Variants in TTC24 observed in about 807,000 individuals in gnomAD.
TTC24 encodes tetratricopeptide repeat domain 24, also known as tetratricopeptide repeat protein 24.
In TTC24, 54 loss-of-function variants were observed where a neutral mutation model predicts 63.3. The ratio of observed to expected loss-of-function variants is 0.85; its 90% confidence interval spans 0.69 to 1.07. The LOEUF (loss-of-function observed/expected upper bound fraction) is 1.07, where lower values mean the gene tolerates loss of function less well. Ranked by LOEUF, TTC24 falls within the 50% of genes least tolerant of loss-of-function variation. TTC24 has a pLI of 0.00. For synonymous variants in TTC24, 276 were observed against 304.3 expected (o/e 0.91, Z 0.97); for missense variants, 680 against 730.5 (o/e 0.93, Z 0.80).
Position 156,583,136 on chromosome 1 carries a change from C to T in TTC24, c.1005C>T (p.Asn335=), listed in dbSNP as rs369585054. The change falls in exon 4 of 11, where the codon AAC becomes AAT. Residue 335 remains asparagine, a synonymous_variant. Coordinates refer to ENST00000368236, the MANE Select transcript of TTC24 (RefSeq NM_001105669.4). The surrounding 1 kb of genome is among the most constrained non-coding windows in gnomAD (Gnocchi z 4.0). ...GGGACCACAAGGCTGCCAGAGACAACTACCTGCATGCCCTGCAGGCTGCCC... is the reference window on the plus strand; with the variant it reads ...GGGACCACAAGGCTGCCAGAGACAATTACCTGCATGCCCTGCAGGCTGCCC... The part of the protein sequence containing the change: ...QLGDHKAARD[N]YLHALQAARD... 3.1e-6 allele frequency: 5 copies of T among 1,613,492 alleles called. No homozygotes were observed. Among genetic ancestry groups the T allele is most frequent in the Non-Finnish European group, 3.4e-6 (4 of 1,179,742 alleles).
Position 156,583,271 on chromosome 1 carries a change from C to A in TTC24, c.1040-67C>A. 1 of 1,607,044 alleles carries A rather than the reference C, an allele frequency of 6.2e-7. No individual in the cohort carries two copies. Among genetic ancestry groups the A allele is most frequent in the Non-Finnish European group, 8.5e-7 (1 of 1,176,642 alleles). Reference sequence around the variant, plus strand: ...TGGGGGGAACTGAGGGTAGGGAGTGCCTCTGAGGGGGTGGATCAGTGGGGT... The same window carrying A: ...TGGGGGGAACTGAGGGTAGGGAGTGACTCTGAGGGGGTGGATCAGTGGGGT... On this transcript the variant is annotated intron_variant, in intron 4 of 10. Coordinates refer to ENST00000368236, the MANE Select transcript of TTC24 (RefSeq NM_001105669.4). This position sits in a 1 kb window ranked among gnomAD's most constrained non-coding sequence, Gnocchi z 4.0.
Position 156,581,820 on chromosome 1 carries a change from C to T in TTC24, c.456C>T (p.Asp152=), listed in dbSNP as rs1465029144. 6.4e-7 allele frequency: 1 copy of T among 1,551,338 alleles called. No individual in the cohort carries two copies. The highest frequency in any genetic ancestry group is 8.7e-7 in the Non-Finnish European group (1 of 1,146,786). Residue 152 remains aspartate, a synonymous_variant, in exon 2 of 11, where the codon GAC becomes GAT. Coordinates refer to ENST00000368236, the MANE Select transcript of TTC24 (RefSeq NM_001105669.4). ...RALGHYQPQG[D]QGEAWAKMGA... ...TGGGCCACTACCAGCCACAGGGTGA[C>T]CAGGGAGAAGCCTGGGCAAAAATGG... is the stretch of plus-strand genomic sequence containing the variant.
intron 8 of TTC24, 75 bp from the exon 9 acceptor site, chr1:156,585,638 A>G: frequency 9.3e-7 from 1 of 1,073,990 alleles, no homozygotes; most frequent in Non-Finnish European, 1.4e-6. Context: ...TCTCCCACAA[A>G]GACTTGCAAC....
chr1:156,585,275 C>T (rs1213219083), intron 8 of TTC24, 44 bp downstream of exon 8: 5 of 1,486,744 alleles, frequency 3.4e-6, no homozygotes, highest in African/African-American at 2.8e-5. Flanking sequence ...CTCCTTACTG[C>T]AAATATGGCA....
intron 8 of TTC24, 46 bp from the exon 9 acceptor site, chr1:156,585,667 T>C (rs779353613): frequency 2.9e-6 from 4 of 1,368,400 alleles, no homozygotes; most frequent in Non-Finnish European, 4.2e-6. Context: ...CAGAGTTCTT[T>C]GCTACTTGTT....
In TTC24 at chr1:156,581,971, T is replaced by A; in HGVS notation, c.607T>A (p.Cys203Ser). ...AALALGAAAGCMLKSGRHRVG... is the reference protein window; with the variant it reads ...AALALGAAAGSMLKSGRHRVG... ...CCTGGCACTGGGGGCTGCGGCAGGATGTATGCTGAAGAGTGGGCGGCATCG... is the reference window on the plus strand; with the variant it reads ...CCTGGCACTGGGGGCTGCGGCAGGAAGTATGCTGAAGAGTGGGCGGCATCG... The change falls in exon 2 of 11, where the codon TGT becomes AGT. Residue 203 changes from cysteine (C) to serine (S), a missense_variant. Coordinates refer to ENST00000368236, the MANE Select transcript of TTC24 (RefSeq NM_001105669.4). 1 of 1,530,488 alleles carries A rather than the reference T, an allele frequency of 6.5e-7. No homozygotes were observed. 94.8% of individuals were successfully genotyped at this position (1,530,488 alleles called of 1,614,324 possible). A position where few individuals can be genotyped will look rare whatever the true frequency, so the allele number is the denominator to read the frequency against.
chr1:156,582,493 A>G, intron 3 of TTC24, 59 bp downstream of exon 3: 3 of 1,506,162 alleles, frequency 2.0e-6, no homozygotes, highest in Non-Finnish European at 2.7e-6. Flanking sequence ...GGGGTTCCAA[A>G]AGGGGCCCAA....
chr1:156,585,028 G>C, intron 7 of TTC24, 54 bp downstream of exon 7: 1 of 1,543,362 alleles, frequency 6.5e-7, no homozygotes, highest in Non-Finnish European at 8.8e-7. Flanking sequence ...AGGGTGTTGG[G>C]GGCTGTCGCA....
At chr1:156,585,086 C>T (rs1433062548) in intron 7 of TTC24, 39 bp from the exon 8 acceptor site, 13 of 1,575,038 alleles carry the variant, frequency 8.3e-6, no homozygotes, top group East Asian at 4.5e-5. Flanking sequence ...GGACTGGTGT[C>T]GCTCTGCCAA....
At chr1:156,585,376 C>A in intron 8 of TTC24, 145 bp downstream of exon 8, 5 of 666,288 alleles carry the variant, frequency 7.5e-6, no homozygotes, top group Non-Finnish European at 1.3e-5. Context: ...GGCACAACCT[C>A]GCGCCACCCC....
In TTC24 at chr1:156,586,379, T is replaced by A. The variant is rs116029653; in HGVS notation, c.1668-90T>A. On this transcript the variant is annotated intron_variant, in intron 10 of 10. Coordinates refer to ENST00000368236, the MANE Select transcript of TTC24 (RefSeq NM_001105669.4). Reference sequence around the variant, plus strand: ...CCCACCAGCAGAGGTAAGGGCCAAATAGGGCAGAGGGAAGCTGAGGCCAAG... The same window carrying A: ...CCCACCAGCAGAGGTAAGGGCCAAAAAGGGCAGAGGGAAGCTGAGGCCAAG... 3,748 of 1,160,134 alleles carry A rather than the reference T, an allele frequency of 3.2e-3. 107 individuals are homozygous for A. The African/African-American group carries it at 0.053, about 16-fold the overall frequency. 71.9% of individuals were successfully genotyped at this position (1,160,134 alleles called of 1,614,324 possible).
At position 156,583,870 on chromosome 1, in the gene TTC24, T is replaced by C; in HGVS notation, c.1226T>C (p.Val409Ala). 1 of 1,582,208 alleles carries C rather than the reference T, an allele frequency of 6.3e-7. No individual in the cohort carries two copies. The highest frequency in any genetic ancestry group is 1.2e-5 in the South Asian group (1 of 85,928). ...ACCGTGAGGACGCGCTTGGCCCAGG[T>C]GGGGCTGGTCCAGACTCACACCCTG... ...ADTVRTRLAQ[V>A]GLVQTHTLTS... Residue 409 changes from valine to alanine, a missense_variant, in exon 6 of 11, where the codon GTG (valine) becomes GCG (alanine). Coordinates refer to ENST00000368236, the MANE Select transcript of TTC24 (RefSeq NM_001105669.4). The surrounding 1 kb of genome is among the most constrained non-coding windows in gnomAD (Gnocchi z 4.0).
In TTC24 at chr1:156,583,727, C is replaced by A; in HGVS notation, c.1153-70C>A. On this transcript the variant is annotated intron_variant, in intron 5 of 10. Transcript: ENST00000368236. The surrounding 1 kb of genome is among the most constrained non-coding windows in gnomAD (Gnocchi z 4.0). Reference sequence around the variant, plus strand: ...TCCCCCCTCCCTTTCCTGTTTCCTTCTTCCCCAACCCCCAGAGGACCATAA... The same window carrying A: ...TCCCCCCTCCCTTTCCTGTTTCCTTATTCCCCAACCCCCAGAGGACCATAA... 1.3e-6 allele frequency: 1 copy of A among 792,970 alleles called. No individual in the cohort carries two copies. The highest frequency in any genetic ancestry group is 2.0e-6 in the Non-Finnish European group (1 of 493,684). The allele number at this position is 792,970 out of a possible 1,614,324, so 49.1% of individuals were successfully genotyped here.
Position 156,582,040 on chromosome 1 carries a change from G to T in TTC24, c.676G>T (p.Ala226Ser). Reference sequence around the variant, plus strand: ...GGTGCTGGAGAAAAGCCGGAGGCTTGCCGAGAGGAGCACTGAGAGGCGACT... The same window carrying T: ...GGTGCTGGAGAAAAGCCGGAGGCTTTCCGAGAGGAGCACTGAGAGGCGACT... ...VQVLEKSRRL[A>S]ERSTERRLLG... Residue 226 changes from alanine (A) to serine (S), a missense_variant, in exon 2 of 11, where the codon GCC becomes TCC. Coordinates refer to ENST00000368236, the MANE Select transcript of TTC24 (RefSeq NM_001105669.4). The T allele has an allele frequency of 6.8e-7, 1 of 1,476,630 alleles. No homozygotes were observed. The highest frequency in any genetic ancestry group is 9.0e-7 in the Non-Finnish European group (1 of 1,114,334). The allele number at this position is 1,476,630 out of a possible 1,614,324, so 91.5% of individuals were successfully genotyped here.
rs752425362 is a variant in TTC24 at position 156,585,238 on chromosome 1, T to A, written c.1456+7T>A. On this transcript the variant is annotated splice_region_variant and intron_variant, in intron 8 of 10. Transcript: ENST00000368236. Reference sequence around the variant, plus strand: ...GGGCCGGGAAGACCAGAGCGTGAGTTGATGTAGAGTATTCCTGGCGGTGCC... The same window carrying A: ...GGGCCGGGAAGACCAGAGCGTGAGTAGATGTAGAGTATTCCTGGCGGTGCC... 3.1e-6 allele frequency: 5 copies of A among 1,601,796 alleles called. No homozygotes were observed. The South Asian group carries it at 5.6e-5, about 18-fold the overall frequency.
chr1:156,585,585 C>T (rs1000108023), intron 8 of TTC24, 128 bp from the exon 9 acceptor site: 13 of 711,764 alleles, frequency 1.8e-5, no homozygotes, highest in African/African-American at 7.0e-5. Context: ...CCCAACACAG[C>T]GCTGGGTGCT....
intron 3 of TTC24, among the ~76,000 whole-genome samples, 168 bp from the exon 4 acceptor site, chr1:156,582,874 A>G (rs1261240916): frequency 6.6e-6 from 1 of 152,136 alleles, no homozygotes; most frequent in East Asian, 1.9e-4. Flanking sequence ...AGAACTCAGG[A>G]TGGGGCCAGG....
chr1:156,581,266 C>A, intron 1 of TTC24, 95 bp from the exon 2 acceptor site: 1 of 868,988 alleles, frequency 1.2e-6, no homozygotes, highest in Non-Finnish European at 1.7e-6. Flanking sequence ...GAGGGTCATG[C>A]TAGGGCAGGG....
Position 156,586,614 on chromosome 1 carries a change from G to C in TTC24, c.*64G>C, listed in dbSNP as rs1677183401. 1 of 1,447,192 alleles carries C rather than the reference G, an allele frequency of 6.9e-7. No homozygotes were observed. The highest frequency in any genetic ancestry group is 9.6e-7 in the Non-Finnish European group (1 of 1,043,838). The allele number at this position is 1,447,192 out of a possible 1,614,324, so 89.6% of individuals were successfully genotyped here. ...CTGTCCAACACGCACACACTAGGGG[G>C]TCCTGGGGACCAAGCCTCTTCCCAG... is the stretch of plus-strand genomic sequence containing the variant. On this transcript the variant is annotated 3_prime_UTR_variant, in exon 11 of 11. Coordinates refer to ENST00000368236, the MANE Select transcript of TTC24 (RefSeq NM_001105669.4).
Sources: gnomAD v4.1 joint callset for allele counts (sites outside exome capture counted in the v4.1 genomes callset) on GRCh38, gnomAD v4.1.1 for gene constraint, Gnocchi (gnomAD v3.1) non-coding constraint, MANE v1.5 for transcripts, NCBI Gene and HGNC (gene_info 2026-07-23, HGNC 2026-07-21) for gene names.